Variants in MYOM2 observed in about 807,000 individuals in gnomAD.
MYOM2 encodes the protein myomesin 2.
A neutral mutation model predicts 187.6 loss-of-function variants in MYOM2; 254 were observed. The observed-to-expected ratio is 1.35, with a 90% confidence interval of 1.22 to 1.50. MYOM2 has a LOEUF of 1.50. Among genes scored for constraint, MYOM2 ranks in the 40% most tolerant of loss-of-function variants. The pLI, the probability that MYOM2 is intolerant of heterozygous loss-of-function variation, is 0.00. For missense variants in MYOM2, 2,796 were observed against 1,924.0 expected, an observed-to-expected ratio of 1.45 and a Z score of -8.48; for synonymous variants, 981 against 753.8, an observed-to-expected ratio of 1.30 and a Z score of -4.94.
At chr8:2,069,205 C>A in intron 6 of MYOM2, 73 bp from the exon 7 acceptor site, 1 of 1,437,994 alleles carries the variant, frequency 7.0e-7, no homozygotes, top group Non-Finnish European at 9.6e-7. Context: ...TCGAGGAATG[C>A]TTTTGTGCAA....
At chr8:2,106,214 C>A in intron 21 of MYOM2, 28 bp from the exon 22 acceptor site, 1 of 1,609,512 alleles carries the variant, frequency 6.2e-7, no homozygotes, top group Non-Finnish European at 8.5e-7. Flanking sequence ...TGTCCCTAAG[C>A]CGCTCACTTC....
intron 17 of MYOM2, among the ~76,000 whole-genome samples, 163 bp from the exon 18 acceptor site, chr8:2,096,084 G>A (rs1252519686): frequency 6.6e-6 from 1 of 152,196 alleles, no homozygotes; most frequent in Non-Finnish European, 1.5e-5. Flanking sequence ...AAGGTGTAAA[G>A]ACCAAGGTGG....
intron 14 of MYOM2, 145 bp downstream of exon 14, chr8:2,085,535 C>G (rs1304828829): frequency 5.1e-6 from 2 of 390,020 alleles, no homozygotes; most frequent in Non-Finnish European, 8.3e-6. Flanking sequence ...GTTGTGATCT[C>G]TGCGTGGCCC....
rs760373895 is a variant in MYOM2 at position 2,100,996 on chromosome 8, A to C, written c.2561A>C (p.Glu854Ala). 1 of 1,614,010 alleles carries C rather than the reference A, an allele frequency of 6.2e-7. No individual in the cohort carries two copies. The highest frequency in any genetic ancestry group is 8.5e-7 in the Non-Finnish European group (1 of 1,180,038). Residue 854 changes from glutamate to alanine, a missense_variant, in exon 20 of 37, where the codon GAG becomes GCG. Coordinates refer to ENST00000262113, the MANE Select transcript of MYOM2 (RefSeq NM_003970.4). ...GGATATTTCGTGGACTTCAGGGAGGAGGATGCTGGAGAGTGGATCACTGTC... is the reference window on the plus strand; with the variant it reads ...GGATATTTCGTGGACTTCAGGGAGGCGGATGCTGGAGAGTGGATCACTGTC... The part of the protein sequence containing the change: ...VSGYFVDFRE[E>A]DAGEWITVNQ...
At chr8:2,082,588 G>A (rs1819666770) in intron 13 of MYOM2, among the ~76,000 whole-genome samples, 3 of 152,078 alleles carry the variant, frequency 2.0e-5, no homozygotes, top group Non-Finnish European at 2.9e-5. Flanking sequence ...CTATCCATGC[G>A]CTTGCCTTAC....
chr8:2,098,088 C>G (rs761227553), intron 18 of MYOM2: 22 of 152,268 alleles, frequency 1.4e-4, no homozygotes, highest in Admixed American at 3.3e-4. Context: ...CAGTTCTTTA[C>G]TCGGTCCGAG....
Position 2,090,075 on chromosome 8 carries a change from C to G in MYOM2, c.1712C>G (p.Ala571Gly). The change falls in exon 15 of 37, where the codon GCC becomes GGC. Residue 571 changes from alanine to glycine, a missense_variant. Physicochemically the swap from Ala to Gly is moderately conservative, Grantham distance 60. Coordinates refer to ENST00000262113, the MANE Select transcript of MYOM2 (RefSeq NM_003970.4). ...ACGGCTGTGAGATCCCCGAGATATG[C>G]CGTGTTTGACCTCATGGAAGGGAAG... ...AQTAVRSPRY[A>G]VFDLMEGKSY... is the part of the protein sequence containing the mutation. 1 of 1,614,008 alleles carries G rather than the reference C, an allele frequency of 6.2e-7. No homozygotes were observed.
intron 25 of MYOM2, among the ~76,000 whole-genome samples, chr8:2,112,961 G>A (rs1487252285): frequency 6.6e-6 from 1 of 152,192 alleles, no homozygotes. Context: ...TTAGTTTTTT[G>A]TTTTGCTCAT....
At position 2,102,658 on chromosome 8, in the gene MYOM2, T is replaced by C. The variant is rs1161781303; in HGVS notation, c.2620-9T>C. On this transcript the variant is annotated splice_polypyrimidine_tract_variant and intron_variant, in intron 20 of 36. Coordinates refer to ENST00000262113, the MANE Select transcript of MYOM2 (RefSeq NM_003970.4). The stretch of plus-strand genomic sequence containing the variant: ...TCCACACATCTGGTGTTTCCTCTGT[T>C]GTTTCAAGGTCTCTGACCTGCAGCA... The C allele has an allele frequency of 1.3e-5, 20 of 1,593,390 alleles. No homozygotes were observed. The highest frequency in any genetic ancestry group is 1.6e-5 in the Non-Finnish European group (19 of 1,162,406).
At position 2,056,503 on chromosome 8, in the gene MYOM2, C is replaced by T. The variant is rs115721743; in HGVS notation, c.264-845C>T. Among the ~76,000 whole-genome samples, 773 of 145,848 alleles carry T rather than the reference C, an allele frequency of 5.3e-3. 4 individuals carry two copies. Among genetic ancestry groups the T allele is most frequent in the African/African-American group, 0.019 (724 of 38,678 alleles). On this transcript the variant is annotated intron_variant, in intron 3 of 36. Transcript: ENST00000262113. ...GGGGTTCACAAAATGGCATGTGAGC[C>T]GCGACGATGTGAACATTTCTGAGTC...
At chr8:2,085,507 T>TCCG (rs1819807917) in intron 14 of MYOM2, 117 bp downstream of exon 14, 1 of 1,059,806 alleles carries the variant, frequency 9.4e-7, no homozygotes, top group Admixed American at 2.7e-5. Flanking sequence ...TGTTGTGATC[T>TCCG]CCGCGTGGCC....
At position 2,109,508 on chromosome 8, in the gene MYOM2, G is replaced by T. The variant is rs373969624; in HGVS notation, c.3157G>T (p.Asp1053Tyr). 3.7e-6 allele frequency: 6 copies of T among 1,612,212 alleles called. No individual in the cohort carries two copies. Among genetic ancestry groups the T allele is most frequent in the Non-Finnish European group, 5.1e-6 (6 of 1,179,220 alleles). Residue 1053 changes from aspartate to tyrosine, a missense_variant, in exon 25 of 37, where the codon GAC becomes TAC. By Grantham distance (160) the Asp-to-Tyr change is radical. Transcript: ENST00000262113. ...PDASYRFIIN[D>Y]REVSDSEIHR... Reference sequence around the variant, plus strand: ...TGCCAGCTACCGATTTATTATTAACGACAGAGAAGTCTCTGACAGCGAGGT... The same window carrying T: ...TGCCAGCTACCGATTTATTATTAACTACAGAGAAGTCTCTGACAGCGAGGT...
chr8:2,126,644 C>A (rs1797649338), intron 31 of MYOM2, among the ~76,000 whole-genome samples: 2 of 151,304 alleles, frequency 1.3e-5, no homozygotes, highest in South Asian at 4.2e-4. Flanking sequence ...CTGATACAGG[C>A]TGGGGAAGCA....
rs758159278 is a variant in MYOM2 at position 2,076,218 on chromosome 8, A to G, written c.1198A>G (p.Ile400Val). 2 of 1,613,666 alleles carry G rather than the reference A, an allele frequency of 1.2e-6. No individual in the cohort carries two copies. Among genetic ancestry groups the G allele is most frequent in the Non-Finnish European group, 1.7e-6 (2 of 1,179,930 alleles). The change falls in exon 11 of 37, where the codon ATC (isoleucine) becomes GTC (valine). Residue 400 changes from isoleucine (I) to valine (V), a missense_variant. Physicochemically the swap from Ile to Val is conservative, Grantham distance 29. Coordinates refer to ENST00000262113, the MANE Select transcript of MYOM2 (RefSeq NM_003970.4). ...QCHDANRDYV[I>V]VTWKPPNTTT... ...CCACGACGCCAACCGGGACTACGTC[A>G]TCGTGACCTGGAAGCCGCCCAACAC...
chr8:2,143,510 C>G (rs1400463891), intron 36 of MYOM2, 54 bp downstream of exon 36: 1 of 1,602,840 alleles, frequency 6.2e-7, no homozygotes, highest in Non-Finnish European at 8.5e-7. Context: ...GCGATGGACG[C>G]AACCCCTTCT....
At chr8:2,105,865 C>A (rs751490174) in intron 21 of MYOM2, among the ~76,000 whole-genome samples, 1 of 152,178 alleles carries the variant, frequency 6.6e-6, no homozygotes, top group Admixed American at 6.5e-5. Context: ...GAAGAAATAT[C>A]TGAGACTGGG....
intron 17 of MYOM2, among the ~76,000 whole-genome samples, chr8:2,095,773 C>T (rs1278731812): frequency 6.6e-6 from 1 of 152,172 alleles, no homozygotes; most frequent in Non-Finnish European, 1.5e-5. Context: ...CACGGATTCA[C>T]ACTCATTTGA....
chr8:2,090,242 T>A, intron 15 of MYOM2, 51 bp downstream of exon 15: 1 of 1,535,790 alleles, frequency 6.5e-7, no homozygotes, highest in African/African-American at 1.4e-5. Flanking sequence ...AAGAGTGGGG[T>A]GACACCAAAT....
intron 6 of MYOM2, 73 bp from the exon 7 acceptor site, chr8:2,069,205 C>G: frequency 1.4e-6 from 2 of 1,437,994 alleles, no homozygotes; most frequent in African/African-American, 1.4e-5. Context: ...TCGAGGAATG[C>G]TTTTGTGCAA....
Sources: gnomAD v4.1 joint callset for allele counts (sites outside exome capture counted in the v4.1 genomes callset) on GRCh38, gnomAD v4.1.1 for gene constraint, MANE v1.5 for transcripts, NCBI Gene and HGNC (gene_info 2026-07-23, HGNC 2026-07-21) for gene names.